KIAA1328: variants seen among roughly 807,000 people sequenced by gnomAD.
KIAA1328 encodes the protein protein hinderin.
KIAA1328 carries 52 observed loss-of-function variants against 68.1 expected under a neutral mutation model. That is an observed-to-expected ratio of 0.76 (90% CI 0.61 to 0.96). KIAA1328 has a LOEUF of 0.96. KIAA1328 is among the 40% of genes least tolerant of loss of function. KIAA1328 has a pLI of 0.00. For synonymous variants in KIAA1328, 232 were observed against 239.4 expected (o/e 0.97, Z 0.28); for missense variants, 641 against 677.6 (o/e 0.95, Z 0.60).
chr18:37,148,419 A>G (rs538532354), intron 7 of KIAA1328, among the ~76,000 whole-genome samples: 1 of 152,270 alleles, frequency 6.6e-6, no homozygotes, highest in Non-Finnish European at 1.5e-5. Context: ...GCTATTGCGA[A>G]TAGTGCCTCA....
At chr18:37,071,577 G>T (rs1364178831) in intron 7 of KIAA1328, among the ~76,000 whole-genome samples, 1 of 152,238 alleles carries the variant, frequency 6.6e-6, no homozygotes, top group East Asian at 1.9e-4. Context: ...TATAAGTAAT[G>T]TAGAGATGAT....
chr18:37,154,345 C>T (rs2059107696), intron 7 of KIAA1328, among the ~76,000 whole-genome samples: 1 of 152,156 alleles, frequency 6.6e-6, no homozygotes, highest in African/African-American at 2.4e-5. Flanking sequence ...TCTGAGAGCA[C>T]CACTTCTATT....
intron 7 of KIAA1328, among the ~76,000 whole-genome samples, chr18:37,088,137 A>G (rs2057159915): frequency 6.6e-6 from 1 of 152,278 alleles, no homozygotes; most frequent in East Asian, 1.9e-4. Context: ...CAGCTAGCAG[A>G]TATTTCAGTT....
chr18:37,150,454 T>C lies in KIAA1328; in HGVS notation c.1233-9746T>C, dbSNP rs1256187304. Among the ~76,000 whole-genome samples, 12 of 151,990 alleles carry C rather than the reference T, an allele frequency of 7.9e-5. No homozygotes were observed. The East Asian group carries it at 2.3e-3, about 29-fold the overall frequency. ...ACCACACTTGAGAACCACTGGACTATAGGAAGAAGGAACTATTCTCAACTT... is the reference window on the plus strand; with the variant it reads ...ACCACACTTGAGAACCACTGGACTACAGGAAGAAGGAACTATTCTCAACTT... On this transcript the variant is annotated intron_variant, in intron 7 of 9. Coordinates refer to ENST00000280020, the MANE Select transcript of KIAA1328 (RefSeq NM_020776.3).
intron 5 of KIAA1328, among the ~76,000 whole-genome samples, chr18:36,957,596 G>A (rs113036391): frequency 2.8e-4 from 42 of 152,222 alleles, no homozygotes; most frequent in African/African-American, 1.0e-3. Flanking sequence ...TATAAAACAA[G>A]TAGGGAGGTA....
chr18:37,132,798 C>T (rs2058553124), intron 7 of KIAA1328, among the ~76,000 whole-genome samples: 1 of 152,074 alleles, frequency 6.6e-6, no homozygotes, highest in Non-Finnish European at 1.5e-5. Flanking sequence ...ACTGAATGCT[C>T]ATAGCAACTT....
chr18:36,863,819 T>C (rs916638777), intron 4 of KIAA1328, among the ~76,000 whole-genome samples: 3 of 152,228 alleles, frequency 2.0e-5, no homozygotes, highest in Non-Finnish European at 2.9e-5. Flanking sequence ...TTTTTGTTGA[T>C]AGTGTATAGA....
At chr18:36,974,839 G>A (rs2052395353) in intron 6 of KIAA1328, among the ~76,000 whole-genome samples, 1 of 152,120 alleles carries the variant, frequency 6.6e-6, no homozygotes, top group Non-Finnish European at 1.5e-5. Context: ...ATGGACTCTG[G>A]CTCAAAAACT....
intron 6 of KIAA1328, among the ~76,000 whole-genome samples, chr18:37,061,647 C>T (rs1305848005): frequency 6.6e-6 from 1 of 152,070 alleles, no homozygotes; most frequent in Non-Finnish European, 1.5e-5. Context: ...TGGAGCAGCT[C>T]CAGAAAGAAA....
At chr18:36,917,309 G>A (rs2049746790) in intron 5 of KIAA1328, among the ~76,000 whole-genome samples, 1 of 151,984 alleles carries the variant, frequency 6.6e-6, no homozygotes, top group African/African-American at 2.4e-5. Flanking sequence ...ATGTCACCCT[G>A]GCAGCTCAAG....
At chr18:37,039,769 T>G (rs972428763) in intron 6 of KIAA1328, among the ~76,000 whole-genome samples, 2 of 152,202 alleles carry the variant, frequency 1.3e-5, no homozygotes, top group African/African-American at 4.8e-5. Context: ...CATTATATTA[T>G]CTATTAATTA....
chr18:36,921,195 G>A (rs1199247057), intron 5 of KIAA1328: 3 of 150,946 alleles, frequency 2.0e-5, no homozygotes, highest in Admixed American at 6.6e-5. Flanking sequence ...ATCTTGGGTG[G>A]AAGCAGAAGC....
At chr18:36,915,776 A>G (rs2151088723) in intron 5 of KIAA1328, among the ~76,000 whole-genome samples, 1 of 152,310 alleles carries the variant, frequency 6.6e-6, no homozygotes, top group East Asian at 1.9e-4. Flanking sequence ...AACATTTGGC[A>G]GTTTCTTATA....
At chr18:36,992,725 C>T (rs2053237433) in intron 6 of KIAA1328, among the ~76,000 whole-genome samples, 1 of 152,082 alleles carries the variant, frequency 6.6e-6, no homozygotes, top group African/African-American at 2.4e-5. Context: ...TAGAAACCAG[C>T]CACATAAAGA....
chr18:36,944,066 G>A (rs1382290416), intron 5 of KIAA1328, among the ~76,000 whole-genome samples: 5 of 152,156 alleles, frequency 3.3e-5, no homozygotes, highest in Non-Finnish European at 7.4e-5. Context: ...TGAAAATACT[G>A]AAAATGATTG....
At chr18:36,970,560 G>T (rs779877054) in intron 6 of KIAA1328, among the ~76,000 whole-genome samples, 2 of 152,172 alleles carry the variant, frequency 1.3e-5, no homozygotes, top group Non-Finnish European at 2.9e-5. Context: ...AAACCCCATT[G>T]TCTGAGCCTA....
intron 6 of KIAA1328, among the ~76,000 whole-genome samples, chr18:37,028,142 C>T (rs539259391): frequency 1.8e-4 from 28 of 152,248 alleles, no homozygotes; most frequent in Admixed American, 1.2e-3. Context: ...CCTACTTGTA[C>T]GTGAGAACAT....
chr18:37,190,736 A>G (rs1172330284), intron 9 of KIAA1328, among the ~76,000 whole-genome samples: 5 of 152,092 alleles, frequency 3.3e-5, no homozygotes, highest in Non-Finnish European at 7.4e-5. Context: ...TCAATTTATC[A>G]TTGATTTTGA....
At chr18:37,226,296 T>C (rs1047327743), downstream of KIAA1328, among the ~76,000 whole-genome samples, 2 of 151,484 alleles carry the variant, frequency 1.3e-5, no homozygotes, top group Admixed American at 1.3e-4. Flanking sequence ...TTTTTTTTGG[T>C]AATAGCTTTA....
Sources: allele counts gnomAD v4.1 joint callset (sites outside exome capture counted in the v4.1 genomes callset), GRCh38; gene constraint gnomAD v4.1.1; transcripts MANE v1.5; gene names NCBI Gene and HGNC (gene_info 2026-07-23, HGNC 2026-07-21).